AFF4: variants seen among roughly 807,000 people sequenced by gnomAD.
AFF4 encodes ALF transcription elongation factor 4, also known as AF4/FMR2 family member 4.
A neutral mutation model predicts 124.8 loss-of-function variants in AFF4; 13 were observed. The observed-to-expected ratio is 0.10, with a 90% CI of 0.07 to 0.17. The LOEUF (loss-of-function observed/expected upper bound fraction) is 0.17. AFF4 is among the 10% of genes least tolerant of loss of function. The pLI is 1.00. For synonymous variants in AFF4, 477 were observed against 496.1 expected, an observed-to-expected ratio of 0.96 and a Z score of 0.51; for missense variants, 1,092 against 1,403.8, an observed-to-expected ratio of 0.78 and a Z score of 3.55.
At chr5:132,959,961 T>C (rs1316264783) in intron 1 of AFF4, among the ~76,000 whole-genome samples, 2 of 151,894 alleles carry the variant, frequency 1.3e-5, no homozygotes, top group African/African-American at 4.8e-5. Context: ...AGAGACGTGT[T>C]AGCCAGGATG....
intron 5 of AFF4, among the ~76,000 whole-genome samples, chr5:132,905,893 G>T (rs551470072): frequency 6.6e-6 from 1 of 152,278 alleles, no homozygotes; most frequent in South Asian, 2.1e-4. Context: ...CTGATAAGGG[G>T]CTGGTATCCA....
intron 1 of AFF4, among the ~76,000 whole-genome samples, chr5:132,946,476 T>C (rs145478502): frequency 1.1e-3 from 164 of 152,310 alleles, no homozygotes; most frequent in African/African-American, 3.7e-3. Flanking sequence ...TATACACACA[T>C]ACATAATGGA....
At position 132,884,334 on chromosome 5, in the gene AFF4, G is replaced by GT. The variant is rs751375866; in HGVS notation, c.3143+741_3143+742insA. Among the ~76,000 whole-genome samples the GT allele has an allele frequency of 4.4e-3, 668 of 152,240 alleles. 3 individuals are homozygous for GT. The highest frequency in any genetic ancestry group is 0.01 in the Middle Eastern group (3 of 294). On this transcript the variant is annotated intron_variant, in intron 19 of 20. Transcript: ENST00000265343. The stretch of plus-strand genomic sequence containing the variant: ...CTTACTGCAACCTCCACGCCTCCCT[G>GT]GTTCCAATGATTCTCCTGCCTCAGC...
intron 5 of AFF4, among the ~76,000 whole-genome samples, chr5:132,914,328 C>T (rs1276718193): frequency 1.3e-5 from 2 of 152,052 alleles, no homozygotes; most frequent in African/African-American, 4.8e-5. Flanking sequence ...GCAAGCCGGG[C>T]GCAGCGGCTC....
rs1759845493 is a variant in AFF4 at position 132,876,633 on chromosome 5, A to T, written c.*4426T>A. 2 of 200,428 alleles carry T rather than the reference A, an allele frequency of 1.0e-5. No homozygotes were observed. Among genetic ancestry groups the T allele is most frequent in the Non-Finnish European group, 2.1e-5 (2 of 97,182 alleles). The allele number at this position is 200,428 out of a possible 1,614,324, so 12.4% of individuals were successfully genotyped here. A position where few individuals can be genotyped will look rare whatever the true frequency, so the allele number is the denominator to read the frequency against. The stretch of plus-strand genomic sequence containing the variant: ...TAAAGATCTCTAAGACTTGGATTAG[A>T]CTTAACTTGAATACCTTATTCTGTG... On this transcript the variant is annotated 3_prime_UTR_variant, in exon 21 of 21. Coordinates refer to ENST00000265343, the MANE Select transcript of AFF4 (RefSeq NM_014423.4).
intron 5 of AFF4, among the ~76,000 whole-genome samples, chr5:132,905,048 C>CAAAAAAAAA (rs66981854): frequency 8.4e-6 from 1 of 118,368 alleles, no homozygotes; most frequent in South Asian, 2.9e-4. Context: ...GACTCCATCT[C>CAAAAAAAAA]AAAAAAAAAA....
chr5:132,925,344 A>T (rs2150091919), intron 5 of AFF4, among the ~76,000 whole-genome samples: 1 of 152,094 alleles, frequency 6.6e-6, no homozygotes, highest in South Asian at 2.1e-4. Flanking sequence ...TAAAAACCAC[A>T]TTAAAATAAA....
intron 1 of AFF4, among the ~76,000 whole-genome samples, chr5:132,962,700 C>A (rs1026009017): frequency 6.6e-6 from 1 of 152,016 alleles, no homozygotes; most frequent in Non-Finnish European, 1.5e-5. Flanking sequence ...AACTAGGTAA[C>A]AGACCGATTC....
intron 2 of AFF4, among the ~76,000 whole-genome samples, chr5:132,935,259 T>C (rs1189378842): frequency 2.0e-5 from 3 of 152,234 alleles, no homozygotes; most frequent in Admixed American, 6.5e-5. Context: ...TCCAGTGCAC[T>C]ATGATTTCAC....
At chr5:132,932,711 A>G (rs951881089) in intron 3 of AFF4, among the ~76,000 whole-genome samples, 1 of 152,204 alleles carries the variant, frequency 6.6e-6, no homozygotes, top group Non-Finnish European at 1.5e-5. Flanking sequence ...ATGGAACACC[A>G]AGCATAAATG....
At chr5:132,929,049 A>C (rs1167818847) in intron 4 of AFF4, among the ~76,000 whole-genome samples, 1 of 152,156 alleles carries the variant, frequency 6.6e-6, no homozygotes, top group Non-Finnish European at 1.5e-5. Context: ...CCTTGAATAA[A>C]TCATTTTTTC....
At chr5:132,887,404 G>C in intron 17 of AFF4, 117 bp downstream of exon 17, 1 of 962,326 alleles carries the variant, frequency 1.0e-6, no homozygotes, top group Non-Finnish European at 1.6e-6. Flanking sequence ...ATCAGGAACA[G>C]ATTTAAGACA....
chr5:132,924,905 T>C (rs923363387), intron 5 of AFF4, among the ~76,000 whole-genome samples: 2 of 151,594 alleles, frequency 1.3e-5, no homozygotes, highest in South Asian at 2.1e-4. Context: ...GCCAGGTGCG[T>C]TGGCTCACAC....
At chr5:132,888,204 C>A in intron 14 of AFF4, 44 bp from the exon 15 acceptor site, 1 of 1,446,400 alleles carries the variant, frequency 6.9e-7, no homozygotes, top group South Asian at 1.2e-5. Flanking sequence ...TAAATATTTT[C>A]ATAATACTAG....
At chr5:132,882,854 C>CAAAAA (rs59412090) in intron 20 of AFF4, among the ~76,000 whole-genome samples, 1 of 123,470 alleles carries the variant, frequency 8.1e-6, no homozygotes, top group Non-Finnish European at 1.6e-5. Context: ...AACTCCATCT[C>CAAAAA]AAAAAAAAAA....
chr5:132,913,140 GATC>G (rs1406383929), intron 5 of AFF4, among the ~76,000 whole-genome samples: 1 of 152,104 alleles, frequency 6.6e-6, no homozygotes, highest in Non-Finnish European at 1.5e-5. Flanking sequence ...AGCTGGAGCT[GATC>G]ATATTAATAT....
chr5:132,878,692 T>C lies in AFF4; in HGVS notation c.*2367A>G, dbSNP rs1759898595. On this transcript the variant is annotated 3_prime_UTR_variant, in exon 21 of 21. Transcript: ENST00000265343. ...CTCCACAATGAAAAGGTTGAAAAAT[T>C]CATTCTCCAAAAATTGACACAGTTT... 4.4e-6 allele frequency: 1 copy of C among 226,722 alleles called. No homozygotes were observed. The highest frequency in any genetic ancestry group is 2.2e-5 in the African/African-American group (1 of 44,964). The allele number at this position is 226,722 out of a possible 1,614,324, so 14.0% of individuals were successfully genotyped here.
chr5:132,887,666 A>G, intron 16 of AFF4, 74 bp from the exon 17 acceptor site: 2 of 1,536,292 alleles, frequency 1.3e-6, no homozygotes, highest in Non-Finnish European at 1.8e-6. Context: ...CTTGTCCTCA[A>G]AACATTAGAA....
chr5:132,924,043 C>T (rs1435731994), intron 5 of AFF4, among the ~76,000 whole-genome samples: 4 of 151,996 alleles, frequency 2.6e-5, no homozygotes, highest in Admixed American at 6.5e-5. Context: ...ATCACGAGGT[C>T]GGGAGTTTGA....
Sources: gnomAD v4.1 joint callset for allele counts (sites outside exome capture counted in the v4.1 genomes callset) on GRCh38, gnomAD v4.1.1 for gene constraint, MANE v1.5 for transcripts, NCBI Gene and HGNC (gene_info 2026-07-23, HGNC 2026-07-21) for gene names.